Variants in SPAG16 observed in about 807,000 individuals in gnomAD.
SPAG16 encodes the protein sperm associated antigen 16, also known as sperm-associated antigen 16 protein.
Under a neutral mutation model 80.4 loss-of-function variants are expected in SPAG16, and 86 were observed. That is an observed-to-expected ratio of 1.07 (90% CI 0.90 to 1.28). The LOEUF (loss-of-function observed/expected upper bound fraction) is 1.28, where lower values mean the gene tolerates loss of function less well. SPAG16 is among the 50% of genes most tolerant of loss of function. SPAG16 has a pLI of 0.00. For synonymous variants in SPAG16, 294 were observed against 265.9 expected (o/e 1.11, Z -1.03); for missense variants, 870 against 765.3 (o/e 1.14, Z -1.61).
chr2:213,816,082 A>C (rs188774441), intron 10 of SPAG16, among the ~76,000 whole-genome samples: 117 of 152,298 alleles, frequency 7.7e-4, no homozygotes, highest in Admixed American at 6.0e-3. Flanking sequence ...CATCTCCTGG[A>C]ATCCTTATTT....
Position 213,930,219 on chromosome 2 carries a change from T to A in SPAG16, c.1400+74T>A. The A allele has an allele frequency of 6.0e-6, 7 of 1,165,228 alleles. No individual in the cohort carries two copies. The Admixed American group carries it at 8.5e-5, about 14-fold the overall frequency. The allele number at this position is 1,165,228 out of a possible 1,614,324, so 72.2% of individuals were successfully genotyped here. A position where few individuals can be genotyped will look rare whatever the true frequency, so the allele number is the denominator to read the frequency against. ...GTGGGTAAAGTGGTAAAGTTCTTTT[T>A]TTTTTTTCCTTGATGCTACCCCAGG... On this transcript the variant is annotated intron_variant, in intron 12 of 15. Coordinates refer to ENST00000331683, the MANE Select transcript of SPAG16 (RefSeq NM_024532.5).
intron 15 of SPAG16, chr2:214,239,989 G>C (rs1376023129): frequency 6.6e-6 from 1 of 152,080 alleles, no homozygotes; most frequent in East Asian, 1.9e-4. Context: ...CCACCATCAA[G>C]GCCAAGTAGT....
At chr2:214,338,679 G>A (rs188323756) in intron 15 of SPAG16, among the ~76,000 whole-genome samples, 2 of 152,190 alleles carry the variant, frequency 1.3e-5, no homozygotes, top group African/African-American at 4.8e-5. Flanking sequence ...ATGAAAAGGT[G>A]AGCCACAATT....
intron 6 of SPAG16, among the ~76,000 whole-genome samples, chr2:213,344,579 T>G (rs1435152573): frequency 1.3e-5 from 2 of 152,128 alleles, no homozygotes; most frequent in African/African-American, 2.4e-5. Flanking sequence ...CCTTCCTGTG[T>G]CCATGTGTTC....
intron 14 of SPAG16, among the ~76,000 whole-genome samples, chr2:214,139,425 G>A (rs1457908451): frequency 6.6e-6 from 1 of 151,786 alleles, no homozygotes; most frequent in Non-Finnish European, 1.5e-5. Context: ...TCAAAGAGCG[G>A]CTTTTGATTT....
chr2:213,301,204 A>G (rs1360286497), intron 3 of SPAG16, among the ~76,000 whole-genome samples: 1 of 151,850 alleles, frequency 6.6e-6, no homozygotes, highest in Admixed American at 6.6e-5. Flanking sequence ...GCTGTTTGTC[A>G]TTATTGAATT....
chr2:214,260,340 C>T (rs1691049097), intron 15 of SPAG16, among the ~76,000 whole-genome samples: 1 of 151,770 alleles, frequency 6.6e-6, no homozygotes, highest in Non-Finnish European at 1.5e-5. Flanking sequence ...AAAGAGCTCC[C>T]AGAAAAAGAA....
chr2:213,985,895 C>T (rs2045975932), intron 12 of SPAG16, among the ~76,000 whole-genome samples: 2 of 152,030 alleles, frequency 1.3e-5, no homozygotes, highest in Admixed American at 6.6e-5. Context: ...TCCAACATGC[C>T]ATAGCCTGCA....
intron 10 of SPAG16, among the ~76,000 whole-genome samples, chr2:213,814,328 TTACTC>T (rs2072378062): frequency 6.6e-6 from 1 of 152,160 alleles, no homozygotes; most frequent in Non-Finnish European, 1.5e-5. Flanking sequence ...GTGATCTGCT[TTACTC>T]AATGTCTACC....
chr2:213,737,717 T>C (rs1019491648), intron 10 of SPAG16, among the ~76,000 whole-genome samples: 1 of 152,152 alleles, frequency 6.6e-6, no homozygotes, highest in East Asian at 1.9e-4. Flanking sequence ...CTCGATCTCC[T>C]GACCTTGTGA....
At chr2:214,232,519 T>C (rs1688768100) in intron 15 of SPAG16, among the ~76,000 whole-genome samples, 1 of 152,024 alleles carries the variant, frequency 6.6e-6, no homozygotes, top group East Asian at 1.9e-4. Context: ...TTATAGTGTG[T>C]TGAGAAATAT....
At chr2:213,488,889 C>T (rs2074112022) in intron 9 of SPAG16, among the ~76,000 whole-genome samples, 1 of 151,534 alleles carries the variant, frequency 6.6e-6, no homozygotes, top group Non-Finnish European at 1.5e-5. Flanking sequence ...CCAGCCTGGC[C>T]AATATGGTGA....
rs1559377433 is a variant in SPAG16, at chr2:213,292,684, ACAAAAAAAAAC to A, written c.137-3379_137-3369del. On this transcript the variant is annotated intron_variant, in intron 1 of 15. Transcript: ENST00000331683. ...GTCTCAAAAAAAAAAAACAAAAAAA[ACAAAAAAAAAC>A]AAAACTATCAGAAAGATATAAATCT... 1.6e-4 allele frequency among the ~76,000 whole-genome samples: 21 copies of A among 133,426 alleles called. 1 individual carries two copies. Among genetic ancestry groups the A allele is most frequent in the African/African-American group, 5.8e-4 (20 of 34,480 alleles). 87.5% of individuals were successfully genotyped at this position (133,426 alleles called of 152,430 possible).
intron 8 of SPAG16, chr2:213,365,084 T>A (rs2066208464): frequency 6.6e-6 from 1 of 152,142 alleles, no homozygotes; most frequent in South Asian, 2.1e-4. Context: ...GATTTTAGGG[T>A]CATCAGCCAA....
At chr2:213,368,466 T>A (rs1314646989) in intron 8 of SPAG16, among the ~76,000 whole-genome samples, 2 of 152,182 alleles carry the variant, frequency 1.3e-5, no homozygotes, top group African/African-American at 2.4e-5. Context: ...TCATACTGAA[T>A]GGGCAAAAAC....
At chr2:214,349,103 A>G (rs556014778) in intron 15 of SPAG16, among the ~76,000 whole-genome samples, 1 of 152,300 alleles carries the variant, frequency 6.6e-6, no homozygotes, top group East Asian at 1.9e-4. Flanking sequence ...CATGGCTATT[A>G]TTGATCCTTT....
intron 15 of SPAG16, among the ~76,000 whole-genome samples, chr2:214,195,561 G>T (rs2057810560): frequency 6.6e-6 from 1 of 151,934 alleles, no homozygotes; most frequent in Non-Finnish European, 1.5e-5. Context: ...GCATAAAACT[G>T]AAAGGGCATG....
chr2:213,573,082 CG>C (rs1270511910), intron 10 of SPAG16, among the ~76,000 whole-genome samples: 3 of 151,924 alleles, frequency 2.0e-5, no homozygotes, highest in Non-Finnish European at 4.4e-5. Context: ...GGCAATGCCT[CG>C]CCCTGCTTTG....
chr2:213,906,390 T>A (rs1023828981), intron 11 of SPAG16, among the ~76,000 whole-genome samples: 1 of 152,126 alleles, frequency 6.6e-6, no homozygotes, highest in Non-Finnish European at 1.5e-5. Flanking sequence ...TGGAAAGACA[T>A]CTCATGCTCA....
Sources: gnomAD v4.1 joint callset for allele counts (sites outside exome capture counted in the v4.1 genomes callset) on GRCh38, gnomAD v4.1.1 for gene constraint, MANE v1.5 for transcripts, NCBI Gene and HGNC (gene_info 2026-07-23, HGNC 2026-07-21) for gene names.